ALPK1: variants seen among roughly 807,000 people sequenced by gnomAD.
The protein encoded by ALPK1 is alpha-protein kinase 1.
A neutral mutation model predicts 120.6 loss-of-function variants in ALPK1; 110 were observed. The ratio of observed to expected loss-of-function variants is 0.91; its 90% CI spans 0.78 to 1.07. The LOEUF is 1.07. Ranked by LOEUF, ALPK1 falls within the 50% of genes least tolerant of loss-of-function variation. The pLI is 0.00. For missense variants in ALPK1, 1,498 were observed against 1,483.9 expected (o/e 1.01, Z -0.16); for synonymous variants, 582 against 560.3 (o/e 1.04, Z -0.55).
intron 4 of ALPK1, among the ~76,000 whole-genome samples, chr4:112,400,849 C>A (rs1301110604): frequency 6.6e-6 from 1 of 152,200 alleles, no homozygotes; most frequent in Admixed American, 6.5e-5. Context: ...TGTACCCTCT[C>A]CCCTGGCAGG....
chr4:112,319,986 CA>C (rs1245621652), intron 2 of ALPK1, among the ~76,000 whole-genome samples: 2 of 152,184 alleles, frequency 1.3e-5, no homozygotes, highest in African/African-American at 4.8e-5. Context: ...ATGTCATCAG[CA>C]AACAGTCACA....
intron 4 of ALPK1, among the ~76,000 whole-genome samples, chr4:112,386,924 T>C (rs1732178286): frequency 1.3e-5 from 2 of 152,182 alleles, no homozygotes; most frequent in Non-Finnish European, 2.9e-5. Context: ...ATGTTTACAC[T>C]CTGAGAGGGA....
intron 5 of ALPK1, 106 bp downstream of exon 5, chr4:112,412,131 C>G: frequency 7.1e-7 from 1 of 1,404,012 alleles, no homozygotes; most frequent in Non-Finnish European, 9.8e-7. Context: ...CCGGGCCCTG[C>G]GTGCCATCTT....
At chr4:112,304,162 G>GCACAAGTTCACAC (rs1727918800) in intron 1 of ALPK1, among the ~76,000 whole-genome samples, 1 of 152,092 alleles carries the variant, frequency 6.6e-6, no homozygotes, top group African/African-American at 2.4e-5. Context: ...ATGGACACTT[G>GCACAAGTTCACAC]GATTGGTTCC....
At chr4:112,321,606 A>G (rs1728869083) in intron 2 of ALPK1, among the ~76,000 whole-genome samples, 1 of 152,226 alleles carries the variant, frequency 6.6e-6, no homozygotes, top group South Asian at 2.1e-4. Flanking sequence ...TGTTGACCCA[A>G]CAATCATTCA....
chr4:112,360,969 T>C (rs79280308), intron 2 of ALPK1, among the ~76,000 whole-genome samples: 1,538 of 152,190 alleles, frequency 0.01, 20 homozygotes, highest in African/African-American at 0.032. Context: ...TGCTTAGAGA[T>C]CCTGAATATT....
At chr4:112,328,464 GATAA>G (rs1177579500) in intron 2 of ALPK1, among the ~76,000 whole-genome samples, 1 of 152,180 alleles carries the variant, frequency 6.6e-6, no homozygotes, top group Non-Finnish European at 1.5e-5. Context: ...TTTTGATTTA[GATAA>G]ATAGTTATAC....
At chr4:112,423,325 G>A (rs1734080380) in intron 5 of ALPK1, among the ~76,000 whole-genome samples, 1 of 152,182 alleles carries the variant, frequency 6.6e-6, no homozygotes, top group Non-Finnish European at 1.5e-5. Context: ...TGTGACTGAA[G>A]TAGAGGGCCA....
intron 4 of ALPK1, 112 bp from the exon 5 acceptor site, chr4:112,411,715 C>G: frequency 2.0e-6 from 2 of 1,014,768 alleles, no homozygotes; most frequent in Non-Finnish European, 2.9e-6. Context: ...GTATTTTTCT[C>G]TTCCTAGCTG....
chr4:112,344,130 CG>C (rs1407452267), intron 2 of ALPK1, among the ~76,000 whole-genome samples: 2 of 152,064 alleles, frequency 1.3e-5, no homozygotes, highest in African/African-American at 4.8e-5. Flanking sequence ...TTTAGAAAAG[CG>C]GGGAAAAAAT....
intron 13 of ALPK1, among the ~76,000 whole-genome samples, chr4:112,439,481 G>T (rs231251): frequency 6.6e-6 from 1 of 151,992 alleles, no homozygotes; most frequent in African/African-American, 2.4e-5. Flanking sequence ...GCCACATGCC[G>T]TGTTAAGCAT....
chr4:112,438,657 C>A lies in ALPK1; in HGVS notation c.3351+11C>A, dbSNP rs376619154. On this transcript the variant is annotated intron_variant, in intron 13 of 15. Coordinates refer to ENST00000650871, the MANE Select transcript of ALPK1 (RefSeq NM_025144.4). ...TCCACAATACTACTGGTAAGATTAT[C>A]CTGAACACATCATTTGGATCTTCCA... is the stretch of plus-strand genomic sequence containing the variant. 5.6e-6 allele frequency: 9 copies of A among 1,609,580 alleles called. No homozygotes were observed. Among genetic ancestry groups the A allele is most frequent in the Non-Finnish European group, 7.6e-6 (9 of 1,177,142 alleles).
chr4:112,441,123 T>G lies in ALPK1; in HGVS notation c.3727+18T>G. ...GAAACCATGTAAGTCATAGGCTGTA[T>G]GGATTGGTAATGTGACAGACCTTAG... On this transcript the variant is annotated intron_variant, in intron 15 of 15. Coordinates refer to ENST00000650871, the MANE Select transcript of ALPK1 (RefSeq NM_025144.4). 1 of 1,613,980 alleles carries G rather than the reference T, an allele frequency of 6.2e-7. No individual in the cohort carries two copies. The highest frequency in any genetic ancestry group is 8.5e-7 in the Non-Finnish European group (1 of 1,179,884).
chr4:112,356,263 C>T (rs1730607395), intron 2 of ALPK1: 1 of 1,319,968 alleles, frequency 7.6e-7, no homozygotes, highest in African/African-American at 1.4e-5. Context: ...GCCCCGCGGG[C>T]ACAGGCAAGA....
intron 12 of ALPK1, among the ~76,000 whole-genome samples, chr4:112,437,249 A>G (rs1560690641): frequency 6.6e-6 from 1 of 151,564 alleles, no homozygotes; most frequent in Non-Finnish European, 1.5e-5. Context: ...GAAGTCATAT[A>G]CTTAGTGCAA....
At chr4:112,351,164 C>T (rs1730337391) in intron 2 of ALPK1, among the ~76,000 whole-genome samples, 1 of 152,132 alleles carries the variant, frequency 6.6e-6, no homozygotes, top group African/African-American at 2.4e-5. Context: ...ATGGCCTTTT[C>T]TTTTTCCTAT....
intron 2 of ALPK1, among the ~76,000 whole-genome samples, chr4:112,324,793 A>G (rs1171924346): frequency 6.6e-6 from 1 of 152,174 alleles, no homozygotes; most frequent in Non-Finnish European, 1.5e-5. Context: ...CTCATTCTTG[A>G]CATACACTGC....
At chr4:112,359,607 C>T (rs1010464833) in intron 2 of ALPK1, 1 of 245,306 alleles carries the variant, frequency 4.1e-6, no homozygotes, top group Non-Finnish European at 8.3e-6. Context: ...GTGCAAGAAG[C>T]CTGGGAAGAC....
rs751223401 is a variant in ALPK1, at chr4:112,440,934, G to T, written c.3556G>T (p.Gly1186Ter). 6.2e-7 allele frequency: 1 copy of T among 1,611,852 alleles called. No homozygotes were observed. Among genetic ancestry groups the T allele is most frequent in the Admixed American group, 1.7e-5 (1 of 59,670 alleles). The change falls in exon 15 of 16, where the codon GGA becomes TGA. Residue 1186 changes from glycine to a stop codon, truncating the protein, a stop_gained. Coordinates refer to ENST00000650871, the MANE Select transcript of ALPK1 (RefSeq NM_025144.4). LOFTEE classifies it high-confidence loss of function. ...VDLQGWVTGN[G>*]KGLIYLTDPQ... ...TCTTTTAGGTTGGGTAACCGGTAAT[G>T]GAAAAGGACTCATCTACCTCACAGA...
Sources: allele counts gnomAD v4.1 joint callset (sites outside exome capture counted in the v4.1 genomes callset), GRCh38; gene constraint gnomAD v4.1.1; transcripts MANE v1.5; gene names NCBI Gene and HGNC (gene_info 2026-07-23, HGNC 2026-07-21).